Variants in CDK14 observed in about 807,000 individuals in gnomAD.
CDK14 encodes cyclin-dependent kinase 14.
Under a neutral mutation model 60.7 loss-of-function variants are expected in CDK14, and 34 were observed. The ratio of observed to expected loss-of-function variants is 0.56; its 90% CI spans 0.43 to 0.75. CDK14 has a LOEUF of 0.75. Ranked by LOEUF, CDK14 falls within the 30% of genes least tolerant of loss-of-function variation. The probability of loss-of-function intolerance (pLI) is 0.00; values close to 1 mark genes in which losing one functional copy is unlikely to be tolerated. For missense variants in CDK14, 482 were observed against 564.1 expected, an observed-to-expected ratio of 0.85 and a Z score of 1.47; for synonymous variants, 197 against 203.7, an observed-to-expected ratio of 0.97 and a Z score of 0.28.
At chr7:91,103,791 T>A (rs1799207962) in intron 12 of CDK14, among the ~76,000 whole-genome samples, 1 of 152,038 alleles carries the variant, frequency 6.6e-6, no homozygotes, top group South Asian at 2.1e-4. Context: ...TGTTACCTTC[T>A]TTCATACATT....
rs1032128732 is a variant in CDK14 at position 91,002,488 on chromosome 7, A to G, written c.1041+18247A>G. Among the ~76,000 whole-genome samples the G allele has an allele frequency of 3.4e-4, 52 of 152,152 alleles. 2 individuals carry two copies. The highest frequency in any genetic ancestry group is 7.4e-5 in the Non-Finnish European group (5 of 68,020). ...TCACTTGTGTAGTGTAAGTATTTTG[A>G]TCCCACAGCAGTTTTTTCCATAACT... On this transcript the variant is annotated intron_variant, in intron 10 of 14. Coordinates refer to ENST00000380050, the MANE Select transcript of CDK14 (RefSeq NM_001287135.2).
chr7:91,087,410 A>C (rs982859622), intron 12 of CDK14, among the ~76,000 whole-genome samples: 1 of 152,142 alleles, frequency 6.6e-6, no homozygotes, highest in Non-Finnish European at 1.5e-5. Flanking sequence ...AATAGCAATT[A>C]AATGCTTGGA....
rs914875994 is a variant in CDK14, at chr7:90,790,601, G to A, written c.493G>A (p.Val165Met). 10 of 1,612,660 alleles carry A rather than the reference G, an allele frequency of 6.2e-6. No individual in the cohort carries two copies. The Middle Eastern group carries it at 5.0e-4, about 80-fold the overall frequency. ...AAATGGGAAGTTGGTAGCTCTGAAG[G>A]TGATCAGGCTGCAGGAAGAAGAAGG... ...KVNGKLVALK[V>M]IRLQEEEGTP... The change falls in exon 5 of 15, where the codon GTG becomes ATG. Residue 165 changes from valine (V) to methionine (M), a missense_variant. Transcript: ENST00000380050.
intron 6 of CDK14, among the ~76,000 whole-genome samples, chr7:90,898,250 G>C (rs1792397621): frequency 6.6e-6 from 1 of 152,016 alleles, no homozygotes; most frequent in Non-Finnish European, 1.5e-5. Flanking sequence ...TTACTCCTGT[G>C]TTCTTAGTGA....
intron 14 of CDK14, among the ~76,000 whole-genome samples, chr7:91,145,338 C>T (rs1433545200): frequency 6.6e-6 from 1 of 152,206 alleles, no homozygotes; most frequent in Non-Finnish European, 1.5e-5. Context: ...TGCATGCCAA[C>T]ATGACTTGAA....
intron 2 of CDK14, among the ~76,000 whole-genome samples, chr7:90,688,482 T>C (rs1414654231): frequency 6.6e-6 from 1 of 152,178 alleles, no homozygotes; most frequent in African/African-American, 2.4e-5. Context: ...TATAATAATT[T>C]CTCTTTTTTA....
intron 5 of CDK14, among the ~76,000 whole-genome samples, chr7:90,851,882 G>A (rs1032347805): frequency 6.6e-6 from 1 of 151,850 alleles, no homozygotes; most frequent in African/African-American, 2.4e-5. Flanking sequence ...AAGTGCAGTG[G>A]TGTGATCATA....
At chr7:90,620,138 G>T (rs137976018) in intron 2 of CDK14, among the ~76,000 whole-genome samples, 332 of 152,268 alleles carry the variant, frequency 2.2e-3, no homozygotes, top group African/African-American at 7.9e-3. Context: ...TAGTATTTTT[G>T]TCTAGTTGGC....
chr7:90,958,234 C>A (rs907630397), intron 9 of CDK14, among the ~76,000 whole-genome samples: 1 of 152,036 alleles, frequency 6.6e-6, no homozygotes, highest in African/African-American at 2.4e-5. Context: ...TATGTTCTAG[C>A]AGCCCTCCCT....
At chr7:90,963,164 C>T (rs1316378930) in intron 9 of CDK14, among the ~76,000 whole-genome samples, 1 of 149,916 alleles carries the variant, frequency 6.7e-6, no homozygotes, top group African/African-American at 2.5e-5. Context: ...TTGGCTTACA[C>T]CTGTAATCCC....
chr7:90,908,735 G>A (rs3824040), intron 7 of CDK14, among the ~76,000 whole-genome samples: 24,369 of 152,132 alleles, frequency 0.16, 2,250 homozygotes, highest in Middle Eastern at 0.28. Context: ...GTATTTTCTC[G>A]TTCCTGTATA....
chr7:90,802,935 T>G (rs1187659021), intron 5 of CDK14, among the ~76,000 whole-genome samples: 1 of 152,200 alleles, frequency 6.6e-6, no homozygotes, highest in Non-Finnish European at 1.5e-5. Flanking sequence ...TTCATTTATT[T>G]CTGCTTGTGT....
chr7:90,900,754 T>G, intron 7 of CDK14, among the ~76,000 whole-genome samples: 1 of 152,186 alleles, frequency 6.6e-6, no homozygotes, highest in East Asian at 1.9e-4. Flanking sequence ...GACTTTCACA[T>G]TCAGTGATAC....
intron 10 of CDK14, among the ~76,000 whole-genome samples, chr7:91,043,109 T>C (rs1171272732): frequency 2.6e-5 from 4 of 152,248 alleles, no homozygotes; most frequent in Non-Finnish European, 4.4e-5. Context: ...AAGTCTAATG[T>C]ATTTGTTTCT....
intron 12 of CDK14, among the ~76,000 whole-genome samples, chr7:91,106,312 C>T (rs1041960113): frequency 6.6e-6 from 1 of 152,102 alleles, no homozygotes; most frequent in Non-Finnish European, 1.5e-5. Flanking sequence ...ATGCCTTGAG[C>T]CTGCATATAG....
At chr7:90,612,156 G>A (rs911715564) in intron 2 of CDK14, among the ~76,000 whole-genome samples, 2 of 151,964 alleles carry the variant, frequency 1.3e-5, no homozygotes, top group Non-Finnish European at 2.9e-5. Flanking sequence ...TTTTATTTTC[G>A]TGACTTCATT....
At chr7:91,133,301 C>T (rs1007342687) in intron 14 of CDK14, among the ~76,000 whole-genome samples, 11 of 152,020 alleles carry the variant, frequency 7.2e-5, no homozygotes, top group African/African-American at 2.7e-4. Flanking sequence ...CTCAAATACA[C>T]TGTGAAGTAT....
intron 9 of CDK14, among the ~76,000 whole-genome samples, chr7:90,977,365 C>A (rs535244210): frequency 8.5e-4 from 129 of 152,178 alleles, no homozygotes; most frequent in Admixed American, 1.5e-3. Context: ...AAACCCATCT[C>A]CCCAGCTGAC....
chr7:90,793,952 C>G (rs116486677), intron 5 of CDK14, among the ~76,000 whole-genome samples: 2 of 152,026 alleles, frequency 1.3e-5, no homozygotes, highest in East Asian at 3.9e-4. Flanking sequence ...AATTGTCTAT[C>G]GGGGGAAACC....
Sources: gnomAD v4.1 joint callset for allele counts (sites outside exome capture counted in the v4.1 genomes callset) on GRCh38, gnomAD v4.1.1 for gene constraint, MANE v1.5 for transcripts, NCBI Gene and HGNC (gene_info 2026-07-23, HGNC 2026-07-21) for gene names.